Variants in SLIT3 observed in about 807,000 individuals in gnomAD.
SLIT3 encodes the protein slit homolog 3 protein.
In SLIT3, 68 loss-of-function variants were observed where a neutral mutation model predicts 184.0. The observed-to-expected ratio is 0.37, with a 90% confidence interval of 0.30 to 0.45. SLIT3 has a LOEUF of 0.45. SLIT3 is among the 20% of genes least tolerant of loss of function. The probability of loss-of-function intolerance (pLI) is 1.00; values close to 1 mark genes in which losing one functional copy is unlikely to be tolerated. For missense variants in SLIT3, 1,707 were observed against 2,026.0 expected, an observed-to-expected ratio of 0.84 and a Z score of 3.02; for synonymous variants, 831 against 828.6, an observed-to-expected ratio of 1.00 and a Z score of -0.05.
At chr5:168,740,477 G>A (rs576353651) in intron 20 of SLIT3, among the ~76,000 whole-genome samples, 10 of 152,290 alleles carry the variant, frequency 6.6e-5, no homozygotes, top group Non-Finnish European at 1.0e-4. Flanking sequence ...TTTGTAAGCT[G>A]GCAGCTCTGC....
intron 11 of SLIT3, among the ~76,000 whole-genome samples, chr5:168,786,779 T>TG (rs1756168485): frequency 6.6e-6 from 1 of 152,086 alleles, no homozygotes; most frequent in Admixed American, 6.5e-5. Context: ...CCCTTGCTGG[T>TG]GCTCTTCAAA....
At chr5:168,711,686 T>G (rs192354929) in intron 24 of SLIT3, among the ~76,000 whole-genome samples, 36 of 152,288 alleles carry the variant, frequency 2.4e-4, no homozygotes, top group Admixed American at 1.3e-3. Context: ...GACAGAGGTG[T>G]ATAAAAAAAT....
At chr5:169,039,394 G>A (rs1436770756) in intron 4 of SLIT3, among the ~76,000 whole-genome samples, 5 of 147,182 alleles carry the variant, frequency 3.4e-5, no homozygotes, top group Admixed American at 6.9e-5. Context: ...TCAGCTCACT[G>A]CAAGCTCCAC....
At chr5:169,032,459 T>C (rs2113525860) in intron 4 of SLIT3, among the ~76,000 whole-genome samples, 1 of 152,254 alleles carries the variant, frequency 6.6e-6, no homozygotes, top group Non-Finnish European at 1.5e-5. Context: ...AAAATAGTCA[T>C]ATTTAGTTCA....
intron 4 of SLIT3, chr5:169,036,310 T>C (rs1431408817): frequency 2.0e-5 from 3 of 152,164 alleles, no homozygotes; most frequent in African/African-American, 7.2e-5. Context: ...ACTAGATGAA[T>C]ACACCTAGGG....
intron 25 of SLIT3, among the ~76,000 whole-genome samples, chr5:168,709,070 A>T (rs1762465175): frequency 6.6e-6 from 1 of 151,702 alleles, no homozygotes; most frequent in Non-Finnish European, 1.5e-5. Context: ...TAGCTGCCTT[A>T]CACTACCAGC....
At chr5:168,775,864 C>G (rs4867905) in intron 12 of SLIT3, among the ~76,000 whole-genome samples, 1 of 151,766 alleles carries the variant, frequency 6.6e-6, no homozygotes, top group Non-Finnish European at 1.5e-5. Context: ...GAGGATGCCA[C>G]GAGGGTGACA....
At chr5:169,162,832 G>A (rs1400392051) in intron 4 of SLIT3, among the ~76,000 whole-genome samples, 2 of 152,168 alleles carry the variant, frequency 1.3e-5, no homozygotes, top group South Asian at 2.1e-4. Flanking sequence ...TTGCTAAATG[G>A]CCAGGGTCAT....
chr5:168,962,814 C>A (rs1261782784), intron 4 of SLIT3, among the ~76,000 whole-genome samples: 1 of 152,190 alleles, frequency 6.6e-6, no homozygotes, highest in Admixed American at 6.5e-5. Flanking sequence ...CTCCTTGGGG[C>A]CTTTGAACCT....
At chr5:169,131,009 C>G (rs921895983) in intron 4 of SLIT3, among the ~76,000 whole-genome samples, 3 of 152,100 alleles carry the variant, frequency 2.0e-5, no homozygotes, top group Admixed American at 2.0e-4. Flanking sequence ...TCACTAAATA[C>G]ACAGTAGTGG....
intron 4 of SLIT3, among the ~76,000 whole-genome samples, chr5:168,921,126 G>A (rs1761622298): frequency 6.6e-6 from 1 of 152,134 alleles, no homozygotes; most frequent in African/African-American, 2.4e-5. Context: ...CATCTGACAT[G>A]TGGAAAGGAA....
intron 3 of SLIT3, among the ~76,000 whole-genome samples, chr5:169,239,967 T>C (rs1435369954): frequency 1.3e-5 from 2 of 152,096 alleles, no homozygotes; most frequent in Non-Finnish European, 2.9e-5. Flanking sequence ...TTGTGAGACA[T>C]TGTATGTTTA....
chr5:169,052,061 GC>G (rs1021901045), intron 4 of SLIT3, among the ~76,000 whole-genome samples: 18 of 149,458 alleles, frequency 1.2e-4, no homozygotes, highest in Non-Finnish European at 4.4e-5. Context: ...TCAGAAAGAT[GC>G]CCCCCTCCAG....
At chr5:169,186,289 C>T (rs970368389) in intron 4 of SLIT3, among the ~76,000 whole-genome samples, 3 of 152,114 alleles carry the variant, frequency 2.0e-5, no homozygotes, top group African/African-American at 7.2e-5. Context: ...CAGGGTTATG[C>T]TACCACAGAG....
rs190470203 is a variant in SLIT3 at position 169,004,053 on chromosome 5, G to A, written c.414-120717C>T. On this transcript the variant is annotated intron_variant, in intron 4 of 35. Transcript: ENST00000519560. ...GAATTATTCCCTTCCTCTACTCTGC[G>A]CATGAAGGCCCTTCTTTTCTTATCT... 2.2e-4 allele frequency among the ~76,000 whole-genome samples: 34 copies of A among 152,160 alleles called. No individual in the cohort carries two copies. In the East Asian group the frequency reaches 5.6e-3, roughly 25 times the overall value.
intron 20 of SLIT3, among the ~76,000 whole-genome samples, chr5:168,743,631 C>G (rs1238825639): frequency 6.6e-6 from 1 of 152,184 alleles, no homozygotes; most frequent in African/African-American, 2.4e-5. Context: ...AATCACACAT[C>G]TCTCACTTTA....
intron 4 of SLIT3, among the ~76,000 whole-genome samples, chr5:168,984,981 C>T (rs541974738): frequency 6.6e-6 from 1 of 152,264 alleles, no homozygotes; most frequent in South Asian, 2.1e-4. Flanking sequence ...AAATATCACA[C>T]ATAGGAGAGA....
At chr5:168,839,546 T>G (rs7724092) in intron 6 of SLIT3, among the ~76,000 whole-genome samples, 8,589 of 152,274 alleles carry the variant, frequency 0.056, 827 homozygotes, top group African/African-American at 0.2. Flanking sequence ...TTTTTAAATG[T>G]GAAATGCTAA....
chr5:168,809,861 A>T (rs1295660247), intron 8 of SLIT3, among the ~76,000 whole-genome samples: 1 of 152,130 alleles, frequency 6.6e-6, no homozygotes, highest in Non-Finnish European at 1.5e-5. Context: ...AAGCTTCCTG[A>T]GTTTTGAGTG....
Sources: allele counts gnomAD v4.1 joint callset (sites outside exome capture counted in the v4.1 genomes callset), GRCh38; gene constraint gnomAD v4.1.1; transcripts MANE v1.5; gene names NCBI Gene and HGNC (gene_info 2026-07-23, HGNC 2026-07-21).